Variants in IL1RAPL1 observed in about 807,000 individuals in gnomAD.
IL1RAPL1 encodes interleukin-1 receptor accessory protein-like 1.
A neutral mutation model predicts 48.4 loss-of-function variants in IL1RAPL1; 3 were observed. The ratio of observed to expected loss-of-function variants is 0.06; its 90% CI spans 0.03 to 0.16. IL1RAPL1 has a LOEUF of 0.16. IL1RAPL1 is among the 10% of genes least tolerant of loss of function. The pLI is 1.00. For missense variants in IL1RAPL1, 349 were observed against 530.6 expected, an observed-to-expected ratio of 0.66 and a Z score of 3.36; for synonymous variants, 185 against 187.7, an observed-to-expected ratio of 0.99 and a Z score of 0.12.
At chrX:29,692,752 A>T (rs1926806838) in intron 6 of IL1RAPL1, among the ~76,000 whole-genome samples, 2 of 111,281 alleles carry the variant, frequency 1.8e-5, no homozygotes, top group African/African-American at 6.5e-5. Flanking sequence ...AGTCTCCCTC[A>T]TGTTCAAGGC....
At chrX:28,941,096 AT>A (rs761531712) in intron 2 of IL1RAPL1, among the ~76,000 whole-genome samples, 94 of 111,542 alleles carry the variant, frequency 8.4e-4, no homozygotes, top group Admixed American at 2.9e-3. Flanking sequence ...AGTTTTAAGT[AT>A]AAAAAAATTT....
At chrX:28,614,448 A>G (rs1349714634) in intron 1 of IL1RAPL1, among the ~76,000 whole-genome samples, 1 of 111,647 alleles carries the variant, frequency 9.0e-6, no homozygotes, top group Non-Finnish European at 1.9e-5. Context: ...CAAATAGAGA[A>G]ATTAAAATGA....
At chrX:29,666,239 T>C (rs1925995061) in intron 5 of IL1RAPL1, among the ~76,000 whole-genome samples, 1 of 111,472 alleles carries the variant, frequency 9.0e-6, no homozygotes, top group Non-Finnish European at 1.9e-5. Flanking sequence ...CATTATTCTG[T>C]TTAATATATA....
chrX:28,723,525 T>C (rs1601874092), intron 1 of IL1RAPL1, among the ~76,000 whole-genome samples: 1 of 111,909 alleles, frequency 8.9e-6, no homozygotes, highest in South Asian at 3.7e-4. Context: ...TCAATTTTGT[T>C]GCTCTTTTCA....
At chrX:29,787,437 G>A (rs1477970263) in intron 6 of IL1RAPL1, among the ~76,000 whole-genome samples, 1 of 112,100 alleles carries the variant, frequency 8.9e-6, no homozygotes, top group African/African-American at 3.2e-5. Flanking sequence ...TTGTTGCCAA[G>A]AAGACTAATT....
intron 6 of IL1RAPL1, among the ~76,000 whole-genome samples, chrX:29,745,649 G>A (rs1285493293): frequency 9.3e-6 from 1 of 108,027 alleles, no homozygotes; most frequent in African/African-American, 3.4e-5. Context: ...GTTTCACCAT[G>A]TTAGCCAGGC....
chrX:28,653,773 T>C (rs1189303565), intron 1 of IL1RAPL1, among the ~76,000 whole-genome samples: 3 of 111,547 alleles, frequency 2.7e-5, no homozygotes, highest in Non-Finnish European at 5.6e-5. Flanking sequence ...TTTAGTGTCA[T>C]GAGGGCTCTC....
At chrX:28,839,391 A>T (rs1253221093) in intron 2 of IL1RAPL1, among the ~76,000 whole-genome samples, 1 of 110,807 alleles carries the variant, frequency 9.0e-6, no homozygotes, top group Non-Finnish European at 1.9e-5. Context: ...AAATCTGTTG[A>T]TAATTAAAAT....
chrX:29,905,216 GTTTT>G lies in IL1RAPL1; in HGVS notation c.779-12241_779-12238del, dbSNP rs200961219. Among the ~76,000 whole-genome samples the G allele has an allele frequency of 7.4e-3, 796 of 106,932 alleles. 5 individuals carry two copies. The highest frequency in any genetic ancestry group is 0.025 in the African/African-American group (743 of 29,492). 92.9% of individuals were successfully genotyped at this position (106,932 alleles called of 115,157 possible). A position where few individuals can be genotyped will look rare whatever the true frequency, so the allele number is the denominator to read the frequency against. ...TATCCTTTGCCCACTTTTTGATGGGGTTTTTTTTTTCTTGTAAATTTGTTTAAGT... is the reference window on the plus strand; with the variant it reads ...TATCCTTTGCCCACTTTTTGATGGGGTTTTTTCTTGTAAATTTGTTTAAGT... On this transcript the variant is annotated intron_variant, in intron 6 of 10. Coordinates refer to ENST00000378993, the MANE Select transcript of IL1RAPL1 (RefSeq NM_014271.4).
chrX:28,963,848 C>G (rs1342447989), intron 2 of IL1RAPL1, among the ~76,000 whole-genome samples: 1 of 110,634 alleles, frequency 9.0e-6, no homozygotes, highest in Middle Eastern at 4.2e-3. Context: ...CACAATATAC[C>G]CTATTTCACC....
chrX:29,272,369 T>C (rs947835838), intron 2 of IL1RAPL1, among the ~76,000 whole-genome samples: 20 of 112,015 alleles, frequency 1.8e-4, no homozygotes, highest in Non-Finnish European at 3.6e-4. Flanking sequence ...TCTGTTATTG[T>C]TCTGTTCAAA....
intron 2 of IL1RAPL1, among the ~76,000 whole-genome samples, chrX:29,180,938 A>T (rs1278067540): frequency 8.9e-6 from 1 of 112,175 alleles, no homozygotes; most frequent in Non-Finnish European, 1.9e-5. Context: ...TGTGAAACAA[A>T]GAAACGGAGG....
At chrX:28,860,484 T>G (rs1213388850) in intron 2 of IL1RAPL1, among the ~76,000 whole-genome samples, 1 of 106,934 alleles carries the variant, frequency 9.4e-6, no homozygotes. Flanking sequence ...TTTGATGGAG[T>G]TTTTGCTCTT....
At chrX:29,145,457 C>T (rs189838250) in intron 2 of IL1RAPL1, among the ~76,000 whole-genome samples, 272 of 112,381 alleles carry the variant, frequency 2.4e-3, no homozygotes, top group Non-Finnish European at 4.2e-3. Flanking sequence ...ACTTTTACCC[C>T]GTCTCCTATG....
At chrX:29,539,070 C>G (rs1921341339) in intron 5 of IL1RAPL1, among the ~76,000 whole-genome samples, 1 of 111,386 alleles carries the variant, frequency 9.0e-6, no homozygotes, top group Non-Finnish European at 1.9e-5. Context: ...AAGCATCATC[C>G]TGATACCAAA....
intron 2 of IL1RAPL1, among the ~76,000 whole-genome samples, chrX:29,223,878 G>A (rs1440240862): frequency 9.0e-6 from 1 of 110,806 alleles, no homozygotes; most frequent in African/African-American, 3.3e-5. Flanking sequence ...AATATAACTG[G>A]TTTTCATCAT....
chrX:29,153,231 C>T (rs1254447608), intron 2 of IL1RAPL1, among the ~76,000 whole-genome samples: 2 of 111,559 alleles, frequency 1.8e-5, no homozygotes, highest in Non-Finnish European at 3.8e-5. Flanking sequence ...TGCGATTACA[C>T]TGGGCTCATC....
At chrX:29,521,851 G>T (rs988650673) in intron 5 of IL1RAPL1, among the ~76,000 whole-genome samples, 1 of 111,724 alleles carries the variant, frequency 9.0e-6, no homozygotes, top group African/African-American at 3.3e-5. Flanking sequence ...GGGGGAAATA[G>T]GCTTTTTTCC....
intron 2 of IL1RAPL1, among the ~76,000 whole-genome samples, chrX:28,965,004 G>A (rs1924884836): frequency 9.0e-6 from 1 of 111,223 alleles, no homozygotes; most frequent in African/African-American, 3.3e-5. Flanking sequence ...CTCCACTTGT[G>A]TAGAATTGTA....
Sources: gnomAD v4.1 joint callset for allele counts (sites outside exome capture counted in the v4.1 genomes callset) on GRCh38, gnomAD v4.1.1 for gene constraint, MANE v1.5 for transcripts, NCBI Gene and HGNC (gene_info 2026-07-23, HGNC 2026-07-21) for gene names.